Variants in MAN1C1 observed in about 807,000 individuals in gnomAD.
The protein encoded by MAN1C1 is mannosyl-oligosaccharide 1,2-alpha-mannosidase IC.
In MAN1C1, 49 loss-of-function variants were observed where a neutral mutation model predicts 71.5. The observed-to-expected ratio is 0.69, with a 90% CI of 0.54 to 0.87. The LOEUF (loss-of-function observed/expected upper bound fraction) is 0.87. MAN1C1 is among the 40% of genes least tolerant of loss of function. MAN1C1 has a pLI of 0.00. For synonymous variants in MAN1C1, 352 were observed against 343.7 expected (o/e 1.02, Z -0.27); for missense variants, 743 against 835.0 (o/e 0.89, Z 1.36).
In MAN1C1 at chr1:25,746,911, T is replaced by A. The variant is rs543694498; in HGVS notation, c.753+128T>A. Reference sequence around the variant, plus strand: ...CTCCCACGGCTGCACAGCCCAGCAGTCTCGGAACCGGAGCTGCCGTGCAGT... The same window carrying A: ...CTCCCACGGCTGCACAGCCCAGCAGACTCGGAACCGGAGCTGCCGTGCAGT... On this transcript the variant is annotated intron_variant, in intron 3 of 11. Transcript: ENST00000374332. This position sits in a 1 kb window ranked among gnomAD's most constrained non-coding sequence, Gnocchi z 4.0. 8 of 667,716 alleles carry A rather than the reference T, an allele frequency of 1.2e-5. No individual in the cohort carries two copies. In the East Asian group the frequency reaches 2.2e-4, roughly 18 times the overall value. 41.4% of individuals were successfully genotyped at this position (667,716 alleles called of 1,614,324 possible).
chr1:25,739,942 C>G (rs920310057), intron 2 of MAN1C1, among the ~76,000 whole-genome samples: 2 of 152,160 alleles, frequency 1.3e-5, no homozygotes, highest in Non-Finnish European at 2.9e-5. Flanking sequence ...GCCACAGCCC[C>G]CCTTGAAGCC....
chr1:25,682,890 T>C (rs556219716), intron 1 of MAN1C1, among the ~76,000 whole-genome samples: 1 of 151,970 alleles, frequency 6.6e-6, no homozygotes, highest in South Asian at 2.1e-4. Flanking sequence ...ATATAAAAAT[T>C]AGCTGAGCGT....
intron 8 of MAN1C1, 151 bp downstream of exon 8, chr1:25,771,923 G>T: frequency 1.6e-6 from 1 of 624,632 alleles, no homozygotes; most frequent in Non-Finnish European, 2.8e-6. Context: ...TGACAGGACA[G>T]TCCCCTCCCA....
intron 8 of MAN1C1, among the ~76,000 whole-genome samples, chr1:25,773,829 C>T (rs1017092050): frequency 2.0e-5 from 3 of 152,206 alleles, no homozygotes; most frequent in Non-Finnish European, 2.9e-5. Flanking sequence ...ATCTTTGACC[C>T]TGGGTGAAGG....
chr1:25,732,749 A>G (rs1055786765), intron 2 of MAN1C1, among the ~76,000 whole-genome samples: 2 of 152,152 alleles, frequency 1.3e-5, no homozygotes, highest in African/African-American at 4.8e-5. Context: ...CAGCAACTAC[A>G]AAGACCCTCC....
At chr1:25,639,744 TA>T (rs1266330436) in intron 1 of MAN1C1, among the ~76,000 whole-genome samples, 4 of 152,216 alleles carry the variant, frequency 2.6e-5, no homozygotes, top group Non-Finnish European at 4.4e-5. Flanking sequence ...GATTCTTACT[TA>T]TTTTTTTGTA....
intron 2 of MAN1C1, among the ~76,000 whole-genome samples, chr1:25,728,329 G>A (rs981203147): frequency 1.3e-5 from 2 of 152,150 alleles, no homozygotes; most frequent in African/African-American, 4.8e-5. Context: ...CATGACAGAC[G>A]GATCTCTGTG....
intron 1 of MAN1C1, among the ~76,000 whole-genome samples, chr1:25,655,250 G>A (rs1033033585): frequency 1.3e-5 from 2 of 152,140 alleles, no homozygotes; most frequent in African/African-American, 4.8e-5. Context: ...GATAAAACTC[G>A]ATCTCCAAGC....
At chr1:25,641,603 C>T (rs1274155898) in intron 1 of MAN1C1, among the ~76,000 whole-genome samples, 1 of 152,220 alleles carries the variant, frequency 6.6e-6, no homozygotes, top group African/African-American at 2.4e-5. Context: ...AATTAAATCA[C>T]AGATGCAAAT....
At chr1:25,702,092 A>G (rs1199698393) in intron 2 of MAN1C1, among the ~76,000 whole-genome samples, 1 of 152,130 alleles carries the variant, frequency 6.6e-6, no homozygotes, top group African/African-American at 2.4e-5. Context: ...AGTAAAGCCA[A>G]ATTAGTTAGT....
intron 1 of MAN1C1, among the ~76,000 whole-genome samples, chr1:25,683,166 A>T (rs1240466948): frequency 6.6e-6 from 1 of 152,070 alleles, no homozygotes; most frequent in Non-Finnish European, 1.5e-5. Flanking sequence ...GGCACACATC[A>T]CCAGTTCCAG....
chr1:25,720,413 G>A (rs908120127), intron 2 of MAN1C1, among the ~76,000 whole-genome samples: 3 of 152,198 alleles, frequency 2.0e-5, no homozygotes, highest in East Asian at 1.9e-4. Context: ...GTTTTGCCAC[G>A]TTGGCCAGGC....
At chr1:25,734,435 T>C (rs1040246243) in intron 2 of MAN1C1, among the ~76,000 whole-genome samples, 2 of 152,200 alleles carry the variant, frequency 1.3e-5, no homozygotes, top group African/African-American at 4.8e-5. Flanking sequence ...GGCCCAATGA[T>C]AGAGTTTTTA....
intron 1 of MAN1C1, among the ~76,000 whole-genome samples, chr1:25,673,597 A>G (rs1411606264): frequency 6.6e-6 from 1 of 152,248 alleles, no homozygotes; most frequent in Non-Finnish European, 1.5e-5. Context: ...AGATTGAGGC[A>G]CAGAGAGGTT....
At chr1:25,748,133 G>A (rs545671251) in intron 3 of MAN1C1, among the ~76,000 whole-genome samples, 8 of 152,296 alleles carry the variant, frequency 5.3e-5, no homozygotes, top group South Asian at 4.1e-4. Flanking sequence ...GGCTCAGGCA[G>A]CTGCCCACAG....
intron 1 of MAN1C1, among the ~76,000 whole-genome samples, chr1:25,674,785 G>T (rs531904426): frequency 7.2e-4 from 110 of 152,324 alleles, no homozygotes; most frequent in African/African-American, 2.6e-3. Context: ...GGCCTGATGG[G>T]CCTCAAGAAG....
At chr1:25,772,067 A>C in intron 8 of MAN1C1, 1 of 355,552 alleles carries the variant, frequency 2.8e-6, no homozygotes, top group Non-Finnish European at 5.2e-6. Flanking sequence ...TCTGATTCAG[A>C]AACCACCACC....
chr1:25,732,588 T>C (rs532314178), intron 2 of MAN1C1, among the ~76,000 whole-genome samples: 20 of 152,258 alleles, frequency 1.3e-4, no homozygotes, highest in African/African-American at 4.3e-4. Flanking sequence ...TTTTGCATGA[T>C]CTCTAGCCCT....
intron 1 of MAN1C1, among the ~76,000 whole-genome samples, chr1:25,664,729 G>A (rs1056008834): frequency 6.6e-6 from 1 of 152,230 alleles, no homozygotes; most frequent in African/African-American, 2.4e-5. Context: ...TCTGATAGAT[G>A]GAGCTGAAAT....
Sources: allele counts gnomAD v4.1 joint callset (sites outside exome capture counted in the v4.1 genomes callset), GRCh38; gene constraint gnomAD v4.1.1; non-coding constraint Gnocchi (gnomAD v3.1); transcripts MANE v1.5; gene names NCBI Gene and HGNC (gene_info 2026-07-23, HGNC 2026-07-21).